TRAPPC9: variants seen among roughly 807,000 people sequenced by gnomAD.
TRAPPC9 encodes the protein IKK2 binding protein.
Under a neutral mutation model 124.0 loss-of-function variants are expected in TRAPPC9, and 83 were observed. The observed-to-expected ratio is 0.67, with a 90% CI of 0.56 to 0.80. TRAPPC9 has a LOEUF of 0.80. TRAPPC9 is among the 30% of genes least tolerant of loss of function. The pLI, the probability that TRAPPC9 is intolerant of heterozygous loss-of-function variation, is 0.00. For synonymous variants in TRAPPC9, 638 were observed against 617.5 expected (o/e 1.03, Z -0.49); for missense variants, 1,302 against 1,508.3 (o/e 0.86, Z 2.27).
rs545042333 is a variant in TRAPPC9, at chr8:139,907,982, G to A, written c.2964+2165C>T. Among the ~76,000 whole-genome samples the A allele has an allele frequency of 7.2e-5, 11 of 152,218 alleles. No homozygotes were observed. The highest frequency in any genetic ancestry group is 2.6e-4 in the African/African-American group (11 of 41,540). On this transcript the variant is annotated intron_variant, in intron 20 of 22. Transcript: ENST00000438773. This position sits in a 1 kb window ranked among gnomAD's most constrained non-coding sequence, Gnocchi z 4.7. ...GACGGGAAGACAGGATAATGAAACCGCCCCAGGAGTCAGGTTGCCGACAAG... is the reference window on the plus strand; with the variant it reads ...GACGGGAAGACAGGATAATGAAACCACCCCAGGAGTCAGGTTGCCGACAAG...
At chr8:139,790,719 G>A (rs1343193230) in intron 21 of TRAPPC9, among the ~76,000 whole-genome samples, 2 of 152,218 alleles carry the variant, frequency 1.3e-5, no homozygotes, top group African/African-American at 2.4e-5. Context: ...ATGTCCGTCT[G>A]TCCAGGTGGA....
chr8:139,757,007 G>A (rs1442465932), intron 21 of TRAPPC9, among the ~76,000 whole-genome samples: 2 of 129,428 alleles, frequency 1.5e-5, no homozygotes, highest in African/African-American at 6.3e-5. Flanking sequence ...GTCGCAGGAG[G>A]AGCCAGGGTT....
intron 17 of TRAPPC9, among the ~76,000 whole-genome samples, chr8:140,217,532 A>AC (rs1389661980): frequency 6.6e-6 from 1 of 151,876 alleles, no homozygotes; most frequent in Non-Finnish European, 1.5e-5. Context: ...AGATTCTATA[A>AC]CCCCGCATCT....
At chr8:139,816,556 C>CGG (rs1221551320) in intron 21 of TRAPPC9, among the ~76,000 whole-genome samples, 13 of 150,992 alleles carry the variant, frequency 8.6e-5, no homozygotes, top group Non-Finnish European at 1.8e-4. Flanking sequence ...AGGTGGAGCC[C>CGG]AGAGAGTCCC....
chr8:139,741,265 C>G (rs139645302), intron 21 of TRAPPC9, among the ~76,000 whole-genome samples: 1 of 152,232 alleles, frequency 6.6e-6, no homozygotes, highest in Admixed American at 6.5e-5. Context: ...TGCCTGACTT[C>G]TTGAGCACTC....
chr8:139,894,062 T>C (rs1053777334), intron 20 of TRAPPC9, among the ~76,000 whole-genome samples: 1 of 152,228 alleles, frequency 6.6e-6, no homozygotes, highest in African/African-American at 2.4e-5. Context: ...CCTCAATTCC[T>C]GTTACTCCAT....
chr8:140,303,944 T>C (rs944032803), intron 10 of TRAPPC9, among the ~76,000 whole-genome samples: 2 of 152,232 alleles, frequency 1.3e-5, no homozygotes, highest in African/African-American at 4.8e-5. Flanking sequence ...GTTTAACGAT[T>C]CTATATAGCA....
At chr8:139,780,248 C>T (rs925562093) in intron 21 of TRAPPC9, among the ~76,000 whole-genome samples, 3 of 152,088 alleles carry the variant, frequency 2.0e-5, no homozygotes, top group African/African-American at 4.8e-5. Context: ...TGACACTACC[C>T]TATGTTAAGC....
At chr8:140,419,333 G>A (rs1157551640) in intron 5 of TRAPPC9, among the ~76,000 whole-genome samples, 1 of 150,212 alleles carries the variant, frequency 6.7e-6, no homozygotes, top group African/African-American at 2.5e-5. Flanking sequence ...GGAGGCTGAG[G>A]CAGGAGAATG....
chr8:139,961,285 A>G lies in TRAPPC9; in HGVS notation c.2810+27441T>C, dbSNP rs1270542063. 1.6e-5 allele frequency among the ~76,000 whole-genome samples: 2 copies of G among 124,636 alleles called. 1 individual carries two copies. The highest frequency in any genetic ancestry group is 3.8e-5 in the Non-Finnish European group (2 of 52,124). The allele number at this position is 124,636 out of a possible 152,430, so 81.8% of individuals were successfully genotyped here. ...CTATATGATGGCAGTAGCTGCTGCC[A>G]TCATGCCGGCTGTGGCAGGGAGCAT... On this transcript the variant is annotated intron_variant, in intron 19 of 22. Transcript: ENST00000438773.
chr8:140,405,609 T>G lies in TRAPPC9; in HGVS notation c.976A>C (p.Lys326Gln), dbSNP rs2069461959. 1 of 1,614,056 alleles carries G rather than the reference T, an allele frequency of 6.2e-7. No homozygotes were observed. The highest frequency in any genetic ancestry group is 8.5e-7 in the Non-Finnish European group (1 of 1,180,012). The change falls in exon 6 of 23, where the codon AAG becomes CAG. Residue 326 changes from lysine to glutamine, a missense_variant. Around this residue, in one of 3 missense-constraint regions of TRAPPC9, gnomAD observed 657 missense variants for 811.2 expected, o/e 0.81. Coordinates refer to ENST00000438773, the MANE Select transcript of TRAPPC9 (RefSeq NM_001160372.4). The part of the protein sequence containing the change: ...NCLSPEDIID[K>Q]YKEAISYYSK... Reference sequence around the variant, plus strand: ...TAATAGGAAATCGCCTCTTTATACTTGTCAATTATGTCTTCAGGGCTAAGG... The same window carrying G: ...TAATAGGAAATCGCCTCTTTATACTGGTCAATTATGTCTTCAGGGCTAAGG...
intron 21 of TRAPPC9, among the ~76,000 whole-genome samples, chr8:139,874,792 G>A (rs1829214394): frequency 6.6e-6 from 1 of 152,198 alleles, no homozygotes; most frequent in Non-Finnish European, 1.5e-5. Context: ...GTAGCCATGA[G>A]AATTCTCCAG....
intron 19 of TRAPPC9, among the ~76,000 whole-genome samples, chr8:139,967,926 G>C (rs916927332): frequency 2.0e-5 from 3 of 152,072 alleles, no homozygotes; most frequent in Admixed American, 2.0e-4. Context: ...ACTGCCTGAG[G>C]TCAGGAGTTC....
At chr8:140,455,148 T>C (rs2071607789) in intron 1 of TRAPPC9, among the ~76,000 whole-genome samples, 1 of 152,120 alleles carries the variant, frequency 6.6e-6, no homozygotes, top group South Asian at 2.1e-4. Context: ...TTCCTCTTTT[T>C]CTGAGATGGA....
chr8:140,391,952 A>G (rs1159150887), intron 7 of TRAPPC9, among the ~76,000 whole-genome samples: 1 of 151,102 alleles, frequency 6.6e-6, no homozygotes, highest in Non-Finnish European at 1.5e-5. Context: ...CTTGAACCCA[A>G]GAGGCAGAAG....
chr8:140,283,574 A>G (rs1204451194), intron 14 of TRAPPC9, among the ~76,000 whole-genome samples: 1 of 151,708 alleles, frequency 6.6e-6, no homozygotes, highest in Non-Finnish European at 1.5e-5. Context: ...GGGATTACAC[A>G]TGTGAGCCAC....
At chr8:139,922,443 A>G (rs762926373) in intron 19 of TRAPPC9, among the ~76,000 whole-genome samples, 14 of 152,238 alleles carry the variant, frequency 9.2e-5, no homozygotes, top group East Asian at 1.9e-4. Flanking sequence ...TGGCCTCCCA[A>G]TGTGCTGGGA....
chr8:140,455,236 G>A lies in TRAPPC9; in HGVS notation c.-11+2403C>T, dbSNP rs1386405998. Among the ~76,000 whole-genome samples the A allele has an allele frequency of 6.6e-5, 10 of 152,236 alleles. No individual in the cohort carries two copies. The East Asian group carries it at 7.7e-4, about 12-fold the overall frequency. ...CAACCTCTGCCTCCCAGGTTCAAGC[G>A]ATTCTCATGCCTCGGCCTCCCGGGT... On this transcript the variant is annotated intron_variant, in intron 1 of 22. Coordinates refer to ENST00000438773, the MANE Select transcript of TRAPPC9 (RefSeq NM_001160372.4).
rs1326071651 is a variant in TRAPPC9, at chr8:139,777,468, A to ATTGTAGAGGCGAGGCC, written c.3056-45282_3056-45267dup. 2.6e-5 allele frequency among the ~76,000 whole-genome samples: 4 copies of ATTGTAGAGGCGAGGCC among 152,254 alleles called. No homozygotes were observed. In the East Asian group the frequency reaches 7.7e-4, roughly 29 times the overall value. ...TGTGCAACCTAATGCTTTGTAGGGCATTGTAGAGGCGAGGCCTTGTAGAGG... is the reference window on the plus strand; with the variant it reads ...TGTGCAACCTAATGCTTTGTAGGGCATTGTAGAGGCGAGGCCTTGTAGAGGCGAGGCCTTGTAGAGG... On this transcript the variant is annotated intron_variant, in intron 21 of 22. Transcript: ENST00000438773.
Sources: gnomAD v4.1 joint callset for allele counts (sites outside exome capture counted in the v4.1 genomes callset) on GRCh38, gnomAD v4.1.1 for gene constraint, gnomAD v4.1.1 regional missense constraint, Gnocchi (gnomAD v3.1) non-coding constraint, MANE v1.5 for transcripts, NCBI Gene and HGNC (gene_info 2026-07-23, HGNC 2026-07-21) for gene names.